The following OPCML variants were observed in gnomAD, a reference collection of about 807,000 sequenced individuals.
The protein encoded by OPCML is opioid-binding protein/cell adhesion molecule.
OPCML carries 13 observed loss-of-function variants against 37.8 expected under a neutral mutation model. That is an observed-to-expected ratio of 0.34 (90% CI 0.22 to 0.55). The LOEUF (loss-of-function observed/expected upper bound fraction) is 0.55. Ranked by LOEUF, OPCML falls within the 20% of genes least tolerant of loss-of-function variation. The pLI, the probability that OPCML is intolerant of heterozygous loss-of-function variation, is 0.91. For missense variants in OPCML, 341 were observed against 435.6 expected (o/e 0.78, Z 1.93); for synonymous variants, 176 against 168.8 (o/e 1.04, Z -0.33).
chr11:133,080,579 C>A (rs1260587156), intron 1 of OPCML, among the ~76,000 whole-genome samples: 6 of 151,546 alleles, frequency 4.0e-5, no homozygotes, highest in Admixed American at 1.3e-4. Context: ...AGGACACCCC[C>A]AGGTCTGGGG....
At chr11:132,632,241 ATTT>A (rs67176157) in intron 3 of OPCML, among the ~76,000 whole-genome samples, 31,632 of 111,322 alleles carry the variant, frequency 0.28, 5,042 homozygotes, top group Non-Finnish European at 0.39. Context: ...ATTCAAACAC[ATTT>A]TTTTTTTTTT....
chr11:132,871,175 A>G (rs1942781191), intron 2 of OPCML, among the ~76,000 whole-genome samples: 1 of 151,898 alleles, frequency 6.6e-6, no homozygotes, highest in African/African-American at 2.4e-5. Context: ...ATAAATATGT[A>G]CATGTTCACT....
intron 2 of OPCML, among the ~76,000 whole-genome samples, chr11:132,866,763 T>C (rs1430229638): frequency 6.6e-6 from 1 of 152,268 alleles, no homozygotes; most frequent in East Asian, 1.9e-4. Context: ...GGAGATCAAG[T>C]AGATTTCAAT....
intron 1 of OPCML, among the ~76,000 whole-genome samples, chr11:133,002,967 A>T (rs1022294876): frequency 6.6e-6 from 1 of 152,150 alleles, no homozygotes; most frequent in African/African-American, 2.4e-5. Flanking sequence ...GTGGGGGGAA[A>T]AATGCAAGTT....
chr11:132,420,818 G>A (rs1009522636), intron 7 of OPCML, among the ~76,000 whole-genome samples: 1 of 152,154 alleles, frequency 6.6e-6, no homozygotes, highest in African/African-American at 2.4e-5. Flanking sequence ...TCCTGCAGCA[G>A]CTAAGGAAGG....
intron 4 of OPCML, among the ~76,000 whole-genome samples, chr11:132,439,460 T>C (rs1289135869): frequency 6.6e-6 from 1 of 152,222 alleles, no homozygotes; most frequent in African/African-American, 2.4e-5. Context: ...GCAGACATAA[T>C]GATCCAGGCT....
At chr11:133,401,333 T>C (rs1029661039) in intron 1 of OPCML, among the ~76,000 whole-genome samples, 11 of 152,190 alleles carry the variant, frequency 7.2e-5, no homozygotes, top group African/African-American at 2.7e-4. Flanking sequence ...ATATGTATTT[T>C]CTGTAAAAAT....
chr11:132,484,570 A>T (rs1196762670), intron 4 of OPCML, among the ~76,000 whole-genome samples: 3 of 152,244 alleles, frequency 2.0e-5, no homozygotes, highest in Non-Finnish European at 2.9e-5. Flanking sequence ...ATTACTGGGT[A>T]TATACCCAAA....
chr11:133,194,256 C>T (rs1938446443), intron 1 of OPCML, among the ~76,000 whole-genome samples: 1 of 137,916 alleles, frequency 7.3e-6, no homozygotes, highest in African/African-American at 2.8e-5. Flanking sequence ...GTTGCCCAGG[C>T]TGGAGTGCAA....
chr11:133,371,090 G>A (rs970053524), intron 1 of OPCML, among the ~76,000 whole-genome samples: 2 of 152,116 alleles, frequency 1.3e-5, no homozygotes, highest in African/African-American at 2.4e-5. Context: ...CATTTATCAT[G>A]AGATACAAAT....
chr11:132,482,097 C>A (rs1482395503), intron 4 of OPCML, among the ~76,000 whole-genome samples: 2 of 149,446 alleles, frequency 1.3e-5, no homozygotes, highest in Non-Finnish European at 3.0e-5. Flanking sequence ...AATAGAGACA[C>A]AAAAAACCCT....
intron 1 of OPCML, among the ~76,000 whole-genome samples, chr11:133,254,462 AAGCACT>A (rs1565531695): frequency 6.6e-6 from 1 of 152,200 alleles, no homozygotes; most frequent in African/African-American, 2.4e-5. Flanking sequence ...TTTATCCTTT[AAGCACT>A]AGTGCTTCTT....
At chr11:132,617,848 T>G (rs577674805) in intron 3 of OPCML, among the ~76,000 whole-genome samples, 1 of 152,370 alleles carries the variant, frequency 6.6e-6, no homozygotes, top group East Asian at 1.9e-4. Context: ...CCTAACCTTA[T>G]GAACCCATTT....
At chr11:132,892,157 C>T (rs1197489048) in intron 2 of OPCML, among the ~76,000 whole-genome samples, 1 of 152,220 alleles carries the variant, frequency 6.6e-6, no homozygotes, top group Non-Finnish European at 1.5e-5. Flanking sequence ...CTAGAAAGGT[C>T]TGTAACTGTG....
chr11:133,161,506 G>C (rs1220036932), intron 1 of OPCML, among the ~76,000 whole-genome samples: 1 of 152,212 alleles, frequency 6.6e-6, no homozygotes, highest in East Asian at 1.9e-4. Context: ...CAGAAAGATA[G>C]TCTATTTGCA....
At chr11:132,650,879 A>C (rs1417943844) in intron 3 of OPCML, among the ~76,000 whole-genome samples, 1 of 152,208 alleles carries the variant, frequency 6.6e-6, no homozygotes, top group Non-Finnish European at 1.5e-5. Flanking sequence ...TTTCAGGTTA[A>C]CTGCCTGCTT....
chr11:133,071,734 G>C (rs1295773145), intron 1 of OPCML, among the ~76,000 whole-genome samples: 1 of 152,128 alleles, frequency 6.6e-6, no homozygotes, highest in Non-Finnish European at 1.5e-5. Context: ...CCCTTTTATA[G>C]TTTAGCTAAA....
intron 1 of OPCML, among the ~76,000 whole-genome samples, chr11:133,470,018 T>C (rs1947068673): frequency 6.6e-6 from 1 of 152,216 alleles, no homozygotes; most frequent in Non-Finnish European, 1.5e-5. Flanking sequence ...TGTTTACATT[T>C]AGTCTTCCCA....
chr11:133,335,846 C>A (rs1943734723), intron 1 of OPCML, among the ~76,000 whole-genome samples: 1 of 151,982 alleles, frequency 6.6e-6, no homozygotes, highest in South Asian at 2.1e-4. Context: ...AAGCAGGAAG[C>A]TGGTTGTAGG....
Sources: gnomAD v4.1 joint callset for allele counts (sites outside exome capture counted in the v4.1 genomes callset) on GRCh38, gnomAD v4.1.1 for gene constraint, MANE v1.5 for transcripts, NCBI Gene and HGNC (gene_info 2026-07-23, HGNC 2026-07-21) for gene names.